Variants in PRXL2A observed in about 807,000 individuals in gnomAD.
PRXL2A encodes peroxiredoxin-like 2A.
PRXL2A carries 26 observed loss-of-function variants against 25.6 expected under a neutral mutation model. The ratio of observed to expected loss-of-function variants is 1.02; its 90% CI spans 0.74 to 1.41. The LOEUF (loss-of-function observed/expected upper bound fraction) is 1.41. Among genes scored for constraint, PRXL2A ranks in the 40% most tolerant of loss-of-function variants. The pLI is 0.00. For synonymous variants in PRXL2A, 98 were observed against 102.9 expected (o/e 0.95, Z 0.29); for missense variants, 246 against 273.9 (o/e 0.90, Z 0.72).
chr10:80,413,949 T>A, intron 1 of PRXL2A: 1 of 982,080 alleles, frequency 1.0e-6, no homozygotes, highest in Non-Finnish European at 1.3e-6. Flanking sequence ...GGGAGTTGCC[T>A]TGTATAGGAA....
intron 1 of PRXL2A, among the ~76,000 whole-genome samples, chr10:80,415,166 A>G (rs956710977): frequency 1.3e-5 from 2 of 152,198 alleles, no homozygotes; most frequent in Non-Finnish European, 2.9e-5. Context: ...CGGTCTGTCC[A>G]TGGAGAGGCC....
Position 80,432,177 on chromosome 10 carries a change from C to T in PRXL2A, c.*78C>T. 1 of 831,236 alleles carries T rather than the reference C, an allele frequency of 1.2e-6. No homozygotes were observed. Among genetic ancestry groups the T allele is most frequent in the Non-Finnish European group, 2.0e-6 (1 of 505,944 alleles). 51.5% of individuals were successfully genotyped at this position (831,236 alleles called of 1,614,324 possible). On this transcript the variant is annotated 3_prime_UTR_variant, in exon 6 of 6. Transcript: ENST00000606162. ...TGGGATGTATTGTTTCCACTCGTGTCCCTAAGGAGTGAGAAACCCATTTAT... is the reference window on the plus strand; with the variant it reads ...TGGGATGTATTGTTTCCACTCGTGTTCCTAAGGAGTGAGAAACCCATTTAT...
At position 80,425,944 on chromosome 10, in the gene PRXL2A, A is replaced by G; in HGVS notation, c.349A>G (p.Ile117Val). ...VPLYAVVKEH[I>V]RTEVKDFQPY... is the part of the protein sequence containing the mutation. ...CCTCTATGCAGTGGTAAAGGAGCACATCAGGACTGAAGTGAAGGATTTCCA... is the reference window on the plus strand; with the variant it reads ...CCTCTATGCAGTGGTAAAGGAGCACGTCAGGACTGAAGTGAAGGATTTCCA... Residue 117 changes from isoleucine to valine, a missense_variant, in exon 4 of 6, where the codon ATC becomes GTC. Coordinates refer to ENST00000606162, the MANE Select transcript of PRXL2A (RefSeq NM_032333.5). 6.2e-7 allele frequency: 1 copy of G among 1,614,262 alleles called. No homozygotes were observed. Among genetic ancestry groups the G allele is most frequent in the East Asian group, 2.2e-5 (1 of 44,890 alleles).
chr10:80,425,733 C>T, intron 3 of PRXL2A, 133 bp from the exon 4 acceptor site: 1 of 1,096,832 alleles, frequency 9.1e-7, no homozygotes, highest in South Asian at 1.5e-5. Flanking sequence ...TTAGGACAGC[C>T]ATAACAGGAG....
intron 5 of PRXL2A, among the ~76,000 whole-genome samples, chr10:80,428,152 G>T (rs1432536985): frequency 6.6e-6 from 1 of 152,142 alleles, no homozygotes; most frequent in Non-Finnish European, 1.5e-5. Flanking sequence ...CTGCAAACAG[G>T]CTATTATTAT....
At chr10:80,409,134 A>G in intron 1 of PRXL2A, 11 of 936,990 alleles carry the variant, frequency 1.2e-5, no homozygotes, top group Non-Finnish European at 1.4e-5. Flanking sequence ...TTAAGAGGGC[A>G]CGGTTTCTAG....
chr10:80,418,003 C>T (rs1011551626), intron 1 of PRXL2A, among the ~76,000 whole-genome samples: 7 of 151,826 alleles, frequency 4.6e-5, no homozygotes, highest in Non-Finnish European at 1.0e-4. Flanking sequence ...CCACCGCACT[C>T]AACCAAGGTT....
At chr10:80,425,484 G>A (rs1845010246) in intron 3 of PRXL2A, among the ~76,000 whole-genome samples, 1 of 152,236 alleles carries the variant, frequency 6.6e-6, no homozygotes, top group African/African-American at 2.4e-5. Flanking sequence ...GCACAGAGAA[G>A]CAGGGCTTTA....
intron 1 of PRXL2A, among the ~76,000 whole-genome samples, chr10:80,418,803 C>T (rs1844756944): frequency 6.6e-6 from 1 of 152,118 alleles, no homozygotes; most frequent in Non-Finnish European, 1.5e-5. Flanking sequence ...ACTTTGTGGG[C>T]TGCTTCCAGG....
At chr10:80,418,593 G>A (rs560756935) in intron 1 of PRXL2A, among the ~76,000 whole-genome samples, 3 of 152,230 alleles carry the variant, frequency 2.0e-5, no homozygotes, top group Admixed American at 1.3e-4. Flanking sequence ...TCAGAGGTTC[G>A]ATGGGCTGGG....
At chr10:80,424,908 G>A (rs1160867995) in intron 3 of PRXL2A, among the ~76,000 whole-genome samples, 1 of 152,118 alleles carries the variant, frequency 6.6e-6, no homozygotes, top group Non-Finnish European at 1.5e-5. Flanking sequence ...CAAAAAGGTG[G>A]TTTTTGATTA....
At chr10:80,431,134 G>A (rs1242472711) in intron 5 of PRXL2A, among the ~76,000 whole-genome samples, 1 of 152,150 alleles carries the variant, frequency 6.6e-6, no homozygotes, top group Non-Finnish European at 1.5e-5. Context: ...CTGACCTCAA[G>A]TGATCCGCCC....
In PRXL2A at chr10:80,425,894, G is replaced by A; in HGVS notation, c.299G>A (p.Ser100Asn). The A allele has an allele frequency of 1.2e-6, 2 of 1,614,256 alleles. No homozygotes were observed. The highest frequency in any genetic ancestry group is 1.7e-6 in the Non-Finnish European group (2 of 1,180,050). The change falls in exon 4 of 6, where the codon AGC becomes AAC. Residue 100 changes from serine to asparagine, a missense_variant. Physicochemically the swap from Ser to Asn is conservative, Grantham distance 46. Coordinates refer to ENST00000606162, the MANE Select transcript of PRXL2A (RefSeq NM_032333.5). ...GCTGCGGATCTGTCCTCCCTGAAAA[G>A]CATGTTGGACCAGCTGGGCGTCCCC... ...EEAADLSSLK[S>N]MLDQLGVPLY...
rs1056541685 is a variant in PRXL2A at position 80,435,424 on chromosome 10, A to G, written c.*3325A>G. 2 of 151,432 alleles carry G rather than the reference A, an allele frequency of 1.3e-5. No individual in the cohort carries two copies. Among genetic ancestry groups the G allele is most frequent in the Non-Finnish European group, 2.9e-5 (2 of 67,970 alleles). The allele number at this position is 151,432 out of a possible 1,614,324, so 9.4% of individuals were successfully genotyped here. A position where few individuals can be genotyped will look rare whatever the true frequency, so the allele number is the denominator to read the frequency against. On this transcript the variant is annotated 3_prime_UTR_variant, in exon 6 of 6. Coordinates refer to ENST00000606162, the MANE Select transcript of PRXL2A (RefSeq NM_032333.5). ...GCAAAATTGTTTGTGCTGAAAATCA[A>G]TGATTTGCAGCTCTCAAGATTCCAG... is the stretch of plus-strand genomic sequence containing the variant.
At chr10:80,427,221 C>A (rs1845071249) in intron 4 of PRXL2A, 111 bp from the exon 5 acceptor site, 1 of 829,162 alleles carries the variant, frequency 1.2e-6, no homozygotes, top group Non-Finnish European at 1.9e-6. Flanking sequence ...CTGGAACCAG[C>A]AGCCTTTTGA....
At chr10:80,426,224 G>A (rs1018927382) in intron 4 of PRXL2A, among the ~76,000 whole-genome samples, 1 of 152,222 alleles carries the variant, frequency 6.6e-6, no homozygotes, top group Non-Finnish European at 1.5e-5. Flanking sequence ...CCATCTGGTG[G>A]TTTGACTTAA....
intron 1 of PRXL2A, among the ~76,000 whole-genome samples, chr10:80,414,089 A>C (rs76581982): frequency 1.1e-3 from 169 of 152,216 alleles, no homozygotes; most frequent in African/African-American, 3.9e-3. Flanking sequence ...GATCATTAGG[A>C]ACTTCCTCAT....
At position 80,435,703 on chromosome 10, in the gene PRXL2A, G is replaced by C. The variant is rs1845386123; in HGVS notation, c.*3604G>C. ...TGCCCAGGCTGGTCTCAAACTCCTG[G>C]CCTCCCAAAGTGTTTAGATTACAGG... On this transcript the variant is annotated 3_prime_UTR_variant, in exon 6 of 6. Transcript: ENST00000606162. 6.6e-6 allele frequency: 1 copy of C among 152,128 alleles called. No individual in the cohort carries two copies. Among genetic ancestry groups the C allele is most frequent in the Non-Finnish European group, 1.5e-5 (1 of 68,064 alleles). The allele number at this position is 152,128 out of a possible 1,614,324, so 9.4% of individuals were successfully genotyped here.
intron 1 of PRXL2A, among the ~76,000 whole-genome samples, chr10:80,419,578 G>T (rs1438120567): frequency 6.6e-6 from 1 of 151,814 alleles, no homozygotes; most frequent in Non-Finnish European, 1.5e-5. Flanking sequence ...AAAGTGCTGG[G>T]ATTACAGGCA....
Sources: gnomAD v4.1 joint callset for allele counts (sites outside exome capture counted in the v4.1 genomes callset) on GRCh38, gnomAD v4.1.1 for gene constraint, MANE v1.5 for transcripts, NCBI Gene and HGNC (gene_info 2026-07-23, HGNC 2026-07-21) for gene names.